TTC34: variants seen among roughly 807,000 people sequenced by gnomAD.
TTC34 encodes tetratricopeptide repeat protein 34.
TTC34 carries 44 observed loss-of-function variants against 40.7 expected under a neutral mutation model. The observed-to-expected ratio is 1.08, with a 90% CI of 0.85 to 1.39. TTC34 has a LOEUF of 1.39. Ranked by LOEUF, TTC34 falls within the 40% of genes most tolerant of loss-of-function variation. The pLI is 0.00. For synonymous variants in TTC34, 422 were observed against 398.6 expected, an observed-to-expected ratio of 1.06 and a Z score of -0.70; for missense variants, 884 against 838.0, an observed-to-expected ratio of 1.05 and a Z score of -0.68.
chr1:2,656,450 C>A (rs1284168729), intron 6 of TTC34, among the ~76,000 whole-genome samples: 12 of 51,634 alleles, frequency 2.3e-4, no homozygotes, highest in South Asian at 8.4e-4. Context: ...GCAACAGCAC[C>A]CTGCACCCCC....
At chr1:2,683,483 G>T (rs1570804511) in intron 6 of TTC34, among the ~76,000 whole-genome samples, 1 of 149,824 alleles carries the variant, frequency 6.7e-6, no homozygotes, top group Admixed American at 6.7e-5. Flanking sequence ...CACCAGGCGA[G>T]CATCTGACAG....
intron 5 of TTC34, 83 bp from the exon 6 acceptor site, chr1:2,783,858 AGAGGGTGCAT>A: frequency 7.7e-7 from 1 of 1,306,688 alleles, no homozygotes; most frequent in Non-Finnish European, 1.0e-6. Flanking sequence ...CGGGGAGGGC[AGAGGGTGCAT>A]GAGCTTCAGG....
chr1:2,789,707 T>C, exon 3 of TTC34: 1 of 1,089,856 alleles, frequency 9.2e-7, no homozygotes, highest in Non-Finnish European at 1.2e-6. Flanking sequence ...GGTGACATAG[T>C]CCAGCGTGCC....
At chr1:2,759,615 G>GACAGACTGGAACAGCACCCACAC in intron 6 of TTC34, among the ~76,000 whole-genome samples, 1 of 152,104 alleles carries the variant, frequency 6.6e-6, no homozygotes, top group Non-Finnish European at 1.5e-5. Context: ...GCGAGCATCC[G>GACAGACTGGAACAGCACCCACAC]CCAGCCTGGA....
chr1:2,695,701 G>A (rs536150871), intron 6 of TTC34, among the ~76,000 whole-genome samples: 3 of 149,336 alleles, frequency 2.0e-5, no homozygotes, highest in Non-Finnish European at 3.0e-5. Flanking sequence ...TGACAGCCTG[G>A]AACAGCACCC....
chr1:2,789,280 CA>C (rs1643631903), intron 3 of TTC34, among the ~76,000 whole-genome samples: 1 of 152,174 alleles, frequency 6.6e-6, no homozygotes, highest in Non-Finnish European at 1.5e-5. Flanking sequence ...TTACATGCAC[CA>C]AACGAAAGGC....
At position 2,645,715 on chromosome 1, in the gene TTC34, C is replaced by T. The variant is rs137927552; in HGVS notation, c.2227-152G>A. Among the ~76,000 whole-genome samples the T allele has an allele frequency of 6.6e-6, 1 of 152,282 alleles. No homozygotes were observed. Among genetic ancestry groups the T allele is most frequent in the Non-Finnish European group, 1.5e-5 (1 of 68,012 alleles). On this transcript the variant is annotated intron_variant, in intron 6 of 8. Coordinates refer to ENST00000401095, the Ensembl canonical transcript of TTC34. The surrounding 1 kb of genome is among the most constrained non-coding windows in gnomAD (Gnocchi z 4.7). ...CTGAACACCCAGCTTCCTGCCCCTT[C>T]CTGCTTCTCTGTGGCTGCAGCCTCC...
chr1:2,650,789 C>T (rs1027891845), intron 6 of TTC34, among the ~76,000 whole-genome samples: 1 of 150,376 alleles, frequency 6.6e-6, no homozygotes, highest in Admixed American at 6.6e-5. Flanking sequence ...CTCCCCCATG[C>T]AAGGTGAGCA....
At chr1:2,778,170 G>A (rs146549584) in intron 6 of TTC34, among the ~76,000 whole-genome samples, 10 of 152,318 alleles carry the variant, frequency 6.6e-5, no homozygotes, top group African/African-American at 1.2e-4. Context: ...GGAGGCTGTC[G>A]TCCTCCTGGC....
At chr1:2,684,588 C>A (rs1288663776) in intron 6 of TTC34, among the ~76,000 whole-genome samples, 1 of 132,578 alleles carries the variant, frequency 7.5e-6, no homozygotes, top group African/African-American at 3.3e-5. Flanking sequence ...CCTGGAGCAA[C>A]ACCCATACCC....
intron 2 of TTC34, among the ~76,000 whole-genome samples, chr1:2,798,408 T>C (rs1173508394): frequency 7.0e-5 from 2 of 28,536 alleles, no homozygotes; most frequent in Non-Finnish European, 1.3e-4. Context: ...CTCCCCAGCC[T>C]CCTAGCCTCC....
chr1:2,799,457 C>T (rs1389659320), intron 2 of TTC34, among the ~76,000 whole-genome samples: 2 of 152,126 alleles, frequency 1.3e-5, no homozygotes, highest in African/African-American at 4.8e-5. Flanking sequence ...GCAAGAGAAT[C>T]TCTTGAACCC....
chr1:2,757,757 G>A (rs1474189730), intron 6 of TTC34, among the ~76,000 whole-genome samples: 1 of 146,958 alleles, frequency 6.8e-6, no homozygotes, highest in South Asian at 2.1e-4. Context: ...CACACCCACA[G>A]GCGAGCATCT....
At chr1:2,682,087 G>A (rs111906032) in intron 6 of TTC34, among the ~76,000 whole-genome samples, 41 of 120,326 alleles carry the variant, frequency 3.4e-4, no homozygotes, top group Non-Finnish European at 4.5e-4. Flanking sequence ...GCATCTGACA[G>A]CCTGGAGCAG....
chr1:2,752,913 C>T (rs1310686215), intron 6 of TTC34, among the ~76,000 whole-genome samples: 58 of 128,176 alleles, frequency 4.5e-4, no homozygotes, highest in African/African-American at 7.0e-4. Context: ...GAGCATCCGA[C>T]ATCCTGAAAC....
intron 6 of TTC34, among the ~76,000 whole-genome samples, chr1:2,755,752 G>A (rs1641483124): frequency 7.4e-6 from 1 of 136,054 alleles, no homozygotes; most frequent in African/African-American, 2.9e-5. Flanking sequence ...ACACCCAGGC[G>A]AGCATCTGAC....
chr1:2,685,824 G>A (rs867619176), intron 6 of TTC34, among the ~76,000 whole-genome samples: 4 of 146,900 alleles, frequency 2.7e-5, no homozygotes, highest in African/African-American at 7.4e-5. Flanking sequence ...TGACAGACTG[G>A]AACGGCACCC....
At chr1:2,656,318 A>T (rs1255015794) in intron 6 of TTC34, among the ~76,000 whole-genome samples, 1 of 58,290 alleles carries the variant, frequency 1.7e-5, no homozygotes, top group South Asian at 5.0e-4. Flanking sequence ...ATCTGACAGC[A>T]TGCAACAGCA....
chr1:2,649,440 A>G (rs1002525222), intron 6 of TTC34, among the ~76,000 whole-genome samples: 7 of 152,144 alleles, frequency 4.6e-5, no homozygotes, highest in Admixed American at 2.6e-4. Flanking sequence ...AGCAGTGCCC[A>G]TACCCAGGTG....
Sources: allele counts gnomAD v4.1 joint callset (sites outside exome capture counted in the v4.1 genomes callset), GRCh38; gene constraint gnomAD v4.1.1; non-coding constraint Gnocchi (gnomAD v3.1); transcripts MANE v1.5; gene names NCBI Gene and HGNC (gene_info 2026-07-23, HGNC 2026-07-21).